Variants in IL23R observed in about 807,000 individuals in gnomAD.
The protein encoded by IL23R is interleukin 23 receptor, also known as interleukin-23 receptor.
In IL23R, 34 loss-of-function variants were observed where a neutral mutation model predicts 56.9. That is an observed-to-expected ratio of 0.60 (90% CI 0.45 to 0.80). The LOEUF is 0.80. Among genes scored for constraint, IL23R ranks in the 30% least tolerant of loss-of-function variants. The pLI is 0.00. For missense variants in IL23R, 635 were observed against 730.0 expected, an observed-to-expected ratio of 0.87 and a Z score of 1.50; for synonymous variants, 230 against 249.2, an observed-to-expected ratio of 0.92 and a Z score of 0.73.
rs114958332 is a variant in IL23R at position 67,217,389 on chromosome 1, A to G, written c.799-2185A>G. Among the ~76,000 whole-genome samples, 1,281 of 152,232 alleles carry G rather than the reference A, an allele frequency of 8.4e-3. 19 individuals carry two copies. The highest frequency in any genetic ancestry group is 0.029 in the African/African-American group (1,208 of 41,556). ...GCCACCTGGTTTGCCTCATGGTTTA[A>G]ACAACTGATAACAGTTCCATAACGT... On this transcript the variant is annotated intron_variant, in intron 6 of 10. Transcript: ENST00000347310.
Position 67,236,713 on chromosome 1 carries a change from T to C in IL23R, c.956T>C (p.Val319Ala). 6.2e-7 allele frequency: 1 copy of C among 1,610,094 alleles called. No homozygotes were observed. Among genetic ancestry groups the C allele is most frequent in the Non-Finnish European group, 8.5e-7 (1 of 1,176,348 alleles). ...SLFFHKTPET[V>A]PQVTSKAFQH... Reference sequence around the variant, plus strand: ...TGACACTCTTTCCTTTTGGTTTAAGTTCCCCAGGTCACATCAAAAGCATTC... The same window carrying C: ...TGACACTCTTTCCTTTTGGTTTAAGCTCCCCAGGTCACATCAAAAGCATTC... Residue 319 changes from valine (V) to alanine (A), a missense_variant and splice_region_variant, in exon 8 of 11, where the codon GTT (valine) becomes GCT (alanine). Val to Ala is a moderately conservative substitution (Grantham distance 64). Coordinates refer to ENST00000347310, the MANE Select transcript of IL23R (RefSeq NM_144701.3).
chr1:67,233,641 C>T (rs1390994717), intron 7 of IL23R, among the ~76,000 whole-genome samples: 2 of 152,270 alleles, frequency 1.3e-5, no homozygotes, highest in Admixed American at 6.5e-5. Context: ...CCCACAGGCA[C>T]ATTGTCTTCT....
At chr1:67,171,007 C>G (rs1209554991) in intron 3 of IL23R, among the ~76,000 whole-genome samples, 1 of 152,214 alleles carries the variant, frequency 6.6e-6, no homozygotes, top group Non-Finnish European at 1.5e-5. Context: ...TGCCTTAAAG[C>G]TGCTAAACTT....
chr1:67,194,489 C>T (rs1647987815), intron 4 of IL23R, among the ~76,000 whole-genome samples: 1 of 152,186 alleles, frequency 6.6e-6, no homozygotes, highest in Non-Finnish European at 1.5e-5. Context: ...GTCACAATAT[C>T]ACAAGTTCTA....
chr1:67,255,905 G>A lies in IL23R; in HGVS notation c.1217G>A (p.Ser406Asn). Residue 406 changes from serine (S) to asparagine (N), a missense_variant, in exon 10 of 11, where the codon AGC (serine) becomes AAC (asparagine). By Grantham distance (46) the Ser-to-Asn change is conservative. Transcript: ENST00000347310. ...LYEDIPNMKN[S>N]NVVKMLQENS... Reference sequence around the variant, plus strand: ...GAAGATATTCCTAATATGAAAAACAGCAATGTTGTGAAAATGCTACAGGTA... The same window carrying A: ...GAAGATATTCCTAATATGAAAAACAACAATGTTGTGAAAATGCTACAGGTA... 6.3e-7 allele frequency: 1 copy of A among 1,599,578 alleles called. No individual in the cohort carries two copies.
upstream of IL23R, among the ~76,000 whole-genome samples, chr1:67,165,382 T>C (rs1160062816): frequency 6.6e-6 from 1 of 152,084 alleles, no homozygotes; most frequent in African/African-American, 2.4e-5. Context: ...ACAGTTATCA[T>C]GGAAAACAGT....
intron 3 of IL23R, among the ~76,000 whole-genome samples, chr1:67,182,302 C>A (rs1021187373): frequency 6.6e-6 from 1 of 152,338 alleles, no homozygotes; most frequent in Non-Finnish European, 1.5e-5. Flanking sequence ...AGCTTCCCAG[C>A]CACTTTGTTT....
intron 7 of IL23R, among the ~76,000 whole-genome samples, chr1:67,228,197 T>TCCTTCCTTCCTTCCTC (rs1429336962): frequency 1.5e-4 from 21 of 138,402 alleles, no homozygotes; most frequent in African/African-American, 5.7e-4. Flanking sequence ...CTTCCTTCCT[T>TCCTTCCTTCCTTCCTC]CCTCCCTTCT....
In IL23R at chr1:67,200,795, G is replaced by A. The variant is rs761263134; in HGVS notation, c.550G>A (p.Asp184Asn). 1.2e-6 allele frequency: 2 copies of A among 1,613,910 alleles called. No individual in the cohort carries two copies. The highest frequency in any genetic ancestry group is 1.7e-5 in the Admixed American group (1 of 59,998). The change falls in exon 5 of 11, where the codon GAT becomes AAT. Residue 184 changes from aspartate to asparagine, a missense_variant. Physicochemically the swap from Asp to Asn is conservative, Grantham distance 23. Coordinates refer to ENST00000347310, the MANE Select transcript of IL23R (RefSeq NM_144701.3). ...LTSSYINIST[D>N]SLQGGKKYLV... is the part of the protein sequence containing the mutation. ...CTCAAGCTATATTAACATCTCCACT[G>A]ATTCATTACAAGGTGGCAAGAAGTA...
At chr1:67,143,740 C>T (rs2102525639) in intron 1 of IL23R, among the ~76,000 whole-genome samples, 1 of 152,280 alleles carries the variant, frequency 6.6e-6, no homozygotes, top group African/African-American at 2.4e-5. Context: ...AGTAAGATGC[C>T]TTTGCATGTA....
intron 5 of IL23R, among the ~76,000 whole-genome samples, chr1:67,202,070 A>G (rs1164455681): frequency 6.6e-6 from 1 of 152,204 alleles, no homozygotes; most frequent in African/African-American, 2.4e-5. Flanking sequence ...AAGTCCTAAA[A>G]CCACAATTCA....
chr1:67,150,914 A>G (rs898296137), intron 1 of IL23R, among the ~76,000 whole-genome samples: 2 of 152,182 alleles, frequency 1.3e-5, no homozygotes, highest in Non-Finnish European at 2.9e-5. Context: ...CAATAAACAT[A>G]TGTATGTGCA....
At chr1:67,203,189 C>T (rs1648760301) in intron 5 of IL23R, among the ~76,000 whole-genome samples, 1 of 152,082 alleles carries the variant, frequency 6.6e-6, no homozygotes, top group South Asian at 2.1e-4. Context: ...TTCTGTGTTC[C>T]AGACACCTCT....
At chr1:67,243,914 A>C (rs948756490) in intron 9 of IL23R, among the ~76,000 whole-genome samples, 1 of 152,166 alleles carries the variant, frequency 6.6e-6, no homozygotes, top group African/African-American at 2.4e-5. Flanking sequence ...GAACTCATTT[A>C]CACTCCCACC....
chr1:67,158,238 T>C (rs1201960418), intron 1 of IL23R, among the ~76,000 whole-genome samples: 1 of 152,066 alleles, frequency 6.6e-6, no homozygotes, highest in East Asian at 1.9e-4. Context: ...AGAAATATTT[T>C]TTGAATGAAT....
At chr1:67,228,096 TTCTTTCTTTCTCTC>T (rs752494774) in intron 7 of IL23R, among the ~76,000 whole-genome samples, 6,270 of 65,942 alleles carry the variant, frequency 0.095, 1,294 homozygotes, top group Non-Finnish European at 0.14. Flanking sequence ...CTTTCTTTCT[TTCTTTCTTTCTCTC>T]TCTTTCTTTC....
chr1:67,244,688 A>G (rs1338794126), intron 9 of IL23R, among the ~76,000 whole-genome samples: 1 of 152,150 alleles, frequency 6.6e-6, no homozygotes, highest in Non-Finnish European at 1.5e-5. Flanking sequence ...TTTTGGTACC[A>G]GTATCCTGCT....
chr1:67,226,683 C>A (rs1382464702), intron 7 of IL23R, among the ~76,000 whole-genome samples: 1 of 152,200 alleles, frequency 6.6e-6, no homozygotes, highest in African/African-American at 2.4e-5. Context: ...CTATTTAGGG[C>A]TATGGGTTTC....
intron 4 of IL23R, among the ~76,000 whole-genome samples, chr1:67,193,797 G>A (rs879576950): frequency 2.6e-5 from 4 of 152,156 alleles, no homozygotes; most frequent in Non-Finnish European, 4.4e-5. Flanking sequence ...TCAGCTAGAT[G>A]TCCTCTAATT....
Sources: allele counts gnomAD v4.1 joint callset (sites outside exome capture counted in the v4.1 genomes callset), GRCh38; gene constraint gnomAD v4.1.1; transcripts MANE v1.5; gene names NCBI Gene and HGNC (gene_info 2026-07-23, HGNC 2026-07-21).